NKIRAS2: variants seen among roughly 807,000 people sequenced by gnomAD.
The protein encoded by NKIRAS2 is NFKB inhibitor interacting Ras like 2.
NKIRAS2 carries 15 observed loss-of-function variants against 20.7 expected under a neutral mutation model. The ratio of observed to expected loss-of-function variants is 0.73; its 90% CI spans 0.49 to 1.12. The LOEUF (loss-of-function observed/expected upper bound fraction) is 1.12. NKIRAS2 is among the 50% of genes most tolerant of loss of function. The pLI, the probability that NKIRAS2 is intolerant of heterozygous loss-of-function variation, is 0.00. For missense variants in NKIRAS2, 196 were observed against 249.6 expected, an observed-to-expected ratio of 0.79 and a Z score of 1.45; for synonymous variants, 116 against 101.4, an observed-to-expected ratio of 1.14 and a Z score of -0.87.
At chr17:42,022,318 T>C in intron 2 of NKIRAS2, 81 bp from the exon 3 acceptor site, 1 of 1,432,094 alleles carries the variant, frequency 7.0e-7, no homozygotes, top group Non-Finnish European at 9.4e-7. Flanking sequence ...TTCTCCCCAT[T>C]TGGTCAGCCT....
rs560721692 is a variant in NKIRAS2 at position 42,024,011 on chromosome 17, C to T, written c.*118C>T. On this transcript the variant is annotated 3_prime_UTR_variant, in exon 4 of 4. Transcript: ENST00000393885. ...TTTCCCAGTCAGCCAGGGAGCTCCC[C>T]GCCAGGCCACGCCCCAGCCACTTTG... 624 of 1,444,562 alleles carry T rather than the reference C, an allele frequency of 4.3e-4. 8 individuals are homozygous for T. In the South Asian group the frequency reaches 7.6e-3, roughly 18 times the overall value. The allele number at this position is 1,444,562 out of a possible 1,614,324, so 89.5% of individuals were successfully genotyped here.
At chr17:42,022,152 T>TTGCGCC in intron 2 of NKIRAS2, 7 of 491,096 alleles carry the variant, frequency 1.4e-5, no homozygotes, top group Non-Finnish European at 2.2e-5. Flanking sequence ...GAGGTTGCGG[T>TTGCGCC]GAGCCGAGAT....
rs1555653293 is a variant in NKIRAS2 at position 42,022,490 on chromosome 17, C to T, written c.186C>T (p.Thr62=). Residue 62 remains threonine (T), a synonymous_variant, in exon 3 of 4, where the codon ACC becomes ACT. Transcript: ENST00000393885. ...GVREQVRFYD[T]RGLRDGAELP... is the part of the protein sequence containing the mutation. ...GAGAGCAGGTGCGTTTCTATGACAC[C>T]CGGGGGCTCCGAGATGGGGCCGAAC... The T allele has an allele frequency of 3.7e-6, 6 of 1,613,940 alleles. No homozygotes were observed. The highest frequency in any genetic ancestry group is 5.1e-6 in the Non-Finnish European group (6 of 1,179,884).
intron 1 of NKIRAS2, 75 bp downstream of exon 1, chr17:42,020,279 C>G (rs1313191098): frequency 1.3e-5 from 2 of 152,428 alleles, no homozygotes; most frequent in African/African-American, 4.8e-5. Context: ...GGTGGCTGGT[C>G]TCTGCCTCTC....
At chr17:42,018,895 A>G (rs1329182640), upstream of NKIRAS2, among the ~76,000 whole-genome samples, 1 of 152,196 alleles carries the variant, frequency 6.6e-6, no homozygotes, top group Non-Finnish European at 1.5e-5. Context: ...CCATATTTAA[A>G]TTTAACTTTT....
At chr17:42,023,187 TG>T (rs1477263920) in intron 3 of NKIRAS2, 1 of 249,496 alleles carries the variant, frequency 4.0e-6, no homozygotes, top group Non-Finnish European at 8.3e-6. Flanking sequence ...TTAGTAGAGA[TG>T]GGGTTTTGTC....
Position 42,025,260 on chromosome 17 carries a change from G to A in NKIRAS2, c.*1367G>A, listed in dbSNP as rs1485886184. 6.6e-6 allele frequency: 1 copy of A among 152,642 alleles called. No individual in the cohort carries two copies. The highest frequency in any genetic ancestry group is 1.5e-5 in the Non-Finnish European group (1 of 68,072). 9.5% of individuals were successfully genotyped at this position (152,642 alleles called of 1,614,324 possible). ...TTATATTTATATGCCCGCTCTCATG[G>A]TGAAGGCTGGACAAGGTGCTCCTCT... On this transcript the variant is annotated 3_prime_UTR_variant, in exon 4 of 4. Transcript: ENST00000393885.
intron 2 of NKIRAS2, 102 bp downstream of exon 2, chr17:42,021,773 T>TC: frequency 9.2e-7 from 1 of 1,085,208 alleles, no homozygotes; most frequent in East Asian, 2.4e-5. Flanking sequence ...CTGGTGGTTT[T>TC]CCCCCCTGGA....
chr17:42,023,668 C>A lies in NKIRAS2; in HGVS notation c.351C>A (p.Val117=). ...CTCTTCCCCAGGTCACCATCGTGGT[C>A]CTTGGCAACAAGTGTGACTTACAGG... is the stretch of plus-strand genomic sequence containing the variant. The part of the protein sequence containing the change: ...SKDKKEVTIV[V]LGNKCDLQEQ... The change falls in exon 4 of 4, where the codon GTC becomes GTA. Residue 117 remains valine (V), a synonymous_variant. Transcript: ENST00000393885. The A allele has an allele frequency of 6.2e-7, 1 of 1,614,122 alleles. No homozygotes were observed. The highest frequency in any genetic ancestry group is 1.1e-5 in the South Asian group (1 of 91,066).
At chr17:42,018,165 C>T (rs1395979706), upstream of NKIRAS2, among the ~76,000 whole-genome samples, 1 of 152,150 alleles carries the variant, frequency 6.6e-6, no homozygotes, top group Non-Finnish European at 1.5e-5. Context: ...GGGTGAGGTC[C>T]TTGCTCTTGT....
Position 42,022,405 on chromosome 17 carries a change from A to G in NKIRAS2, c.101A>G (p.Glu34Gly). ...LLYGNHVVGS[E>G]MIETQEDIYV... Reference sequence around the variant, plus strand: ...TTTTCTCATTTTATACCAGGTTCGGAGATGATCGAGACGCAGGAGGACATC... The same window carrying G: ...TTTTCTCATTTTATACCAGGTTCGGGGATGATCGAGACGCAGGAGGACATC... The change falls in exon 3 of 4, where the codon GAG (glutamate) becomes GGG (glycine). Residue 34 changes from glutamate to glycine, a missense_variant. Transcript: ENST00000393885. 1 of 1,582,104 alleles carries G rather than the reference A, an allele frequency of 6.3e-7. No homozygotes were observed. Among genetic ancestry groups the G allele is most frequent in the Non-Finnish European group, 8.6e-7 (1 of 1,159,002 alleles).
Position 42,024,205 on chromosome 17 carries a change from C to G in NKIRAS2, c.*312C>G, listed in dbSNP as rs548603154. 1 of 376,208 alleles carries G rather than the reference C, an allele frequency of 2.7e-6. No individual in the cohort carries two copies. The highest frequency in any genetic ancestry group is 2.6e-5 in the South Asian group (1 of 38,900). The allele number at this position is 376,208 out of a possible 1,614,324, so 23.3% of individuals were successfully genotyped here. ...CCCCAGACAGGAAGCAGAGTCACCA[C>G]GCAGCAGTGTCCCTTCTTGGGTCTG... On this transcript the variant is annotated 3_prime_UTR_variant, in exon 4 of 4. Coordinates refer to ENST00000393885, the MANE Select transcript of NKIRAS2 (RefSeq NM_017595.6).
At chr17:42,020,592 G>A (rs556903598) in intron 1 of NKIRAS2, 9 of 152,282 alleles carry the variant, frequency 5.9e-5, no homozygotes, top group African/African-American at 1.9e-4. Context: ...TCAGTCCAAG[G>A]GCAGCAAAAA....
chr17:42,018,409 G>A (rs554453435), upstream of NKIRAS2: 1 of 152,342 alleles, frequency 6.6e-6, no homozygotes, highest in South Asian at 2.1e-4. Context: ...AAAATAAGAA[G>A]AGGGCAAAGG....
Position 42,025,102 on chromosome 17 carries a change from T to A in NKIRAS2, c.*1209T>A, listed in dbSNP as rs1012620066. ...CCCTCCAGCCACCAGGGGGCAGGAG[T>A]GCACTACCTGCTGTCAGTCACCAGA... is the stretch of plus-strand genomic sequence containing the variant. On this transcript the variant is annotated 3_prime_UTR_variant, in exon 4 of 4. Coordinates refer to ENST00000393885, the MANE Select transcript of NKIRAS2 (RefSeq NM_017595.6). The A allele has an allele frequency of 9.8e-5, 15 of 152,368 alleles. No individual in the cohort carries two copies. The highest frequency in any genetic ancestry group is 3.6e-4 in the African/African-American group (15 of 41,358). The allele number at this position is 152,368 out of a possible 1,614,324, so 9.4% of individuals were successfully genotyped here. A position where few individuals can be genotyped will look rare whatever the true frequency, so the allele number is the denominator to read the frequency against.
chr17:42,017,746 C>T (rs782131740), upstream of NKIRAS2: 15 of 423,936 alleles, frequency 3.5e-5, no homozygotes, highest in East Asian at 2.6e-4. Flanking sequence ...AACTTCCAAT[C>T]CTAGAGAGTC....
Position 42,022,538 on chromosome 17 carries a change from C to A in NKIRAS2, c.234C>A (p.Cys78Ter). ...AACTGCCCCGACACTGCTTCTCTTG[C>A]ACTGATGGCTACGTCCTGGTCTATA... ...GAELPRHCFS[C>*]TDGYVLVYST... The change falls in exon 3 of 4, where the codon TGC (cysteine) becomes TGA (stop). Residue 78 changes from cysteine (C) to a stop codon, truncating the protein, a stop_gained. Coordinates refer to ENST00000393885, the MANE Select transcript of NKIRAS2 (RefSeq NM_017595.6). LOFTEE classifies it high-confidence loss of function. 1 of 1,614,152 alleles carries A rather than the reference C, an allele frequency of 6.2e-7. No individual in the cohort carries two copies. The highest frequency in any genetic ancestry group is 1.1e-5 in the South Asian group (1 of 91,086).
chr17:42,023,538 G>A (rs1181030827), intron 3 of NKIRAS2, 116 bp from the exon 4 acceptor site: 10 of 881,692 alleles, frequency 1.1e-5, no homozygotes, highest in Middle Eastern at 2.3e-4. Context: ...AGAAAGAGAT[G>A]AGATATCAGC....
In NKIRAS2 at chr17:42,022,581, T is replaced by C; in HGVS notation, c.277T>C (p.Ser93Pro). The stretch of plus-strand genomic sequence containing the variant: ...GGTCTATAGCACAGATAGCAGAGAG[T>C]CTTTTCAGCGTGTGGAGCTGCTCAA... The part of the protein sequence containing the change: ...VLVYSTDSRE[S>P]FQRVELLKKE... Residue 93 changes from serine (S) to proline (P), a missense_variant, in exon 3 of 4, where the codon TCT becomes CCT. Coordinates refer to ENST00000393885, the MANE Select transcript of NKIRAS2 (RefSeq NM_017595.6). The C allele has an allele frequency of 6.2e-7, 1 of 1,613,338 alleles. No homozygotes were observed. The highest frequency in any genetic ancestry group is 8.5e-7 in the Non-Finnish European group (1 of 1,179,786).
Sources: allele counts gnomAD v4.1 joint callset (sites outside exome capture counted in the v4.1 genomes callset), GRCh38; gene constraint gnomAD v4.1.1; transcripts MANE v1.5; gene names NCBI Gene and HGNC (gene_info 2026-07-23, HGNC 2026-07-21).